The following PLAG1 variants were observed in gnomAD, a reference collection of about 807,000 sequenced individuals.
The protein encoded by PLAG1 is PLAG1 zinc finger, also known as zinc finger protein PLAG1.
PLAG1 carries 7 observed loss-of-function variants against 35.5 expected under a neutral mutation model. The observed-to-expected ratio is 0.20, with a 90% CI of 0.11 to 0.37. PLAG1 has a LOEUF of 0.37. Ranked by LOEUF, PLAG1 falls within the 10% of genes least tolerant of loss-of-function variation. PLAG1 has a pLI of 1.00. For missense variants in PLAG1, 454 were observed against 602.8 expected, an observed-to-expected ratio of 0.75 and a Z score of 2.58; for synonymous variants, 229 against 225.4, an observed-to-expected ratio of 1.02 and a Z score of -0.14.
At chr8:56,192,777 T>A (rs1812225495) in intron 1 of PLAG1, among the ~76,000 whole-genome samples, 1 of 152,204 alleles carries the variant, frequency 6.6e-6, no homozygotes, top group South Asian at 2.1e-4. Flanking sequence ...TAAGAGACTA[T>A]AACGTGTTTG....
At chr8:56,178,885 G>A (rs1214130534) in intron 2 of PLAG1, among the ~76,000 whole-genome samples, 1 of 151,994 alleles carries the variant, frequency 6.6e-6, no homozygotes, top group Non-Finnish European at 1.5e-5. Flanking sequence ...GATAGCTTGT[G>A]TGTGTCCTCT....
chr8:56,168,495 C>A, intron 3 of PLAG1, 109 bp from the exon 4 acceptor site: 1 of 401,606 alleles, frequency 2.5e-6, no homozygotes, highest in Non-Finnish European at 4.3e-6. Flanking sequence ...AAAATGGATT[C>A]AGCTGGTCTA....
intron 1 of PLAG1, among the ~76,000 whole-genome samples, chr8:56,204,823 T>G (rs1812653160): frequency 6.6e-6 from 1 of 151,854 alleles, no homozygotes; most frequent in Non-Finnish European, 1.5e-5. Flanking sequence ...AAAGAAGAGT[T>G]CAAGACTCTC....
chr8:56,198,552 T>A (rs1363740402), intron 1 of PLAG1, among the ~76,000 whole-genome samples: 2 of 152,176 alleles, frequency 1.3e-5, no homozygotes, highest in African/African-American at 4.8e-5. Flanking sequence ...TCATAGACGT[T>A]ACAAGACAGT....
At position 56,179,529 on chromosome 8, in the gene PLAG1, GAGTT is replaced by G. The variant is rs1312212464; in HGVS notation, c.-321-20_-321-17del. 1.2e-6 allele frequency: 1 copy of G among 820,012 alleles called. No homozygotes were observed. Among genetic ancestry groups the G allele is most frequent in the Non-Finnish European group, 1.5e-6 (1 of 678,596 alleles). 50.8% of individuals were successfully genotyped at this position (820,012 alleles called of 1,614,324 possible). On this transcript the variant is annotated splice_polypyrimidine_tract_variant and intron_variant, in intron 1 of 4. Transcript: ENST00000316981. ...AAGAGGCAACCTAAAAAGAAAAGAA[GAGTT>G]AGTTTTAAATTCCAAAAGTCAGGCC...
intron 2 of PLAG1, among the ~76,000 whole-genome samples, chr8:56,176,835 G>A (rs1811710722): frequency 6.6e-6 from 1 of 152,078 alleles, no homozygotes; most frequent in South Asian, 2.1e-4. Flanking sequence ...CAACAAAAAT[G>A]TTTGACACCA....
Position 56,166,832 on chromosome 8 carries a change from T to C in PLAG1, c.914A>G (p.His305Arg). Residue 305 changes from histidine (H) to arginine (R), a missense_variant, in exon 5 of 5, where the codon CAC becomes CGC. Transcript: ENST00000316981. Reference protein sequence around the residue: ...FQSMQSSGSAHQMITTLPLGM... With the variant: ...FQSMQSSGSARQMITTLPLGM... ...CAAAGGTAAAGTTGTGATCATTTGGTGGGCAGATCCCGAGCTCTGCATGGA... is the reference window on the plus strand; with the variant it reads ...CAAAGGTAAAGTTGTGATCATTTGGCGGGCAGATCCCGAGCTCTGCATGGA... The C allele has an allele frequency of 6.2e-7, 1 of 1,613,982 alleles. No homozygotes were observed. Among genetic ancestry groups the C allele is most frequent in the South Asian group, 1.1e-5 (1 of 91,080 alleles).
At chr8:56,180,966 A>C (rs1811847896) in intron 1 of PLAG1, among the ~76,000 whole-genome samples, 1 of 152,242 alleles carries the variant, frequency 6.6e-6, no homozygotes, top group African/African-American at 2.4e-5. Flanking sequence ...ATATGAAAAA[A>C]AGCTCATCAT....
chr8:56,182,277 A>G (rs1231841179), intron 1 of PLAG1, among the ~76,000 whole-genome samples: 1 of 152,246 alleles, frequency 6.6e-6, no homozygotes, highest in Non-Finnish European at 1.5e-5. Flanking sequence ...ACTAGAAGAA[A>G]GTCCACTTAT....
intron 1 of PLAG1, among the ~76,000 whole-genome samples, chr8:56,187,124 T>C (rs1342040362): frequency 2.0e-5 from 3 of 152,182 alleles, no homozygotes; most frequent in Admixed American, 6.5e-5. Context: ...CTCCTCCTTC[T>C]TGAAGCTTCA....
rs926262704 is a variant in PLAG1, at chr8:56,163,359, T to C, written c.*2884A>G. The C allele has an allele frequency of 7.6e-5, 15 of 196,254 alleles. No homozygotes were observed. Among genetic ancestry groups the C allele is most frequent in the African/African-American group, 3.2e-4 (14 of 43,168 alleles). 12.2% of individuals were successfully genotyped at this position (196,254 alleles called of 1,614,324 possible). A position where few individuals can be genotyped will look rare whatever the true frequency, so the allele number is the denominator to read the frequency against. ...GTTGACATAGAAACAAACAATCTTTTTCTAGGGAAAAAAAAGCCAATTCTG... is the reference window on the plus strand; with the variant it reads ...GTTGACATAGAAACAAACAATCTTTCTCTAGGGAAAAAAAAGCCAATTCTG... On this transcript the variant is annotated 3_prime_UTR_variant, in exon 5 of 5. Transcript: ENST00000316981.
At chr8:56,207,876 C>T (rs1230538794) in intron 1 of PLAG1, among the ~76,000 whole-genome samples, 1 of 152,082 alleles carries the variant, frequency 6.6e-6, no homozygotes, top group Admixed American at 6.6e-5. Flanking sequence ...GATTGGTGCA[C>T]TCTGAGTGCG....
At position 56,167,486 on chromosome 8, in the gene PLAG1, G is replaced by A. The variant is rs1229577184; in HGVS notation, c.260C>T (p.Ser87Phe). Reference sequence around the variant, plus strand: ...ATTACACTTGTGGGTTTTCTCAGGAGAATGAGTAGCCATGTGCCTTTAAAC... The same window carrying A: ...ATTACACTTGTGGGTTTTCTCAGGAAAATGAGTAGCCATGTGCCTTTAAAC... ...YKLQRHMATH[S>F]PEKTHKCNYC... The change falls in exon 5 of 5, where the codon TCT (serine) becomes TTT (phenylalanine). Residue 87 changes from serine to phenylalanine, a missense_variant. Around this residue, in one of 4 missense-constraint regions of PLAG1, gnomAD observed 170 missense variants for 226.3 expected, o/e 0.75. Transcript: ENST00000316981. This position sits in a 1 kb window ranked among gnomAD's most constrained non-coding sequence, Gnocchi z 5.9. 1 of 1,608,344 alleles carries A rather than the reference G, an allele frequency of 6.2e-7. No individual in the cohort carries two copies. The highest frequency in any genetic ancestry group is 8.5e-7 in the Non-Finnish European group (1 of 1,176,144).
chr8:56,179,365 A>T, intron 2 of PLAG1, 44 bp downstream of exon 2: 1 of 217,496 alleles, frequency 4.6e-6, no homozygotes, highest in Non-Finnish European at 7.9e-6. Flanking sequence ...TGGAATAATT[A>T]ATCACTTTGA....
chr8:56,177,594 G>T (rs1009696631), intron 2 of PLAG1, among the ~76,000 whole-genome samples: 10 of 152,088 alleles, frequency 6.6e-5, no homozygotes, highest in African/African-American at 2.4e-4. Flanking sequence ...CTCTCCCCCA[G>T]CGACAGTAAA....
rs1299965509 is a variant in PLAG1, at chr8:56,179,506, G to A, written c.-314C>T. ...CCAAATACGGCCAAGGCAGCACCAA[G>A]AGGCAACCTAAAAAGAAAAGAAGAG... On this transcript the variant is annotated 5_prime_UTR_variant, in exon 2 of 5. Coordinates refer to ENST00000316981, the MANE Select transcript of PLAG1 (RefSeq NM_002655.3). 2 of 945,406 alleles carry A rather than the reference G, an allele frequency of 2.1e-6. No individual in the cohort carries two copies. Among genetic ancestry groups the A allele is most frequent in the Admixed American group, 6.2e-5 (1 of 16,222 alleles). The allele number at this position is 945,406 out of a possible 1,614,324, so 58.6% of individuals were successfully genotyped here.
chr8:56,185,561 G>A (rs899343128), intron 1 of PLAG1, among the ~76,000 whole-genome samples: 2 of 152,112 alleles, frequency 1.3e-5, no homozygotes, highest in African/African-American at 4.8e-5. Flanking sequence ...CCATTCAGAG[G>A]GAGGGAAAAA....
Position 56,162,672 on chromosome 8 carries a change from AT to A in PLAG1, c.*3570del, listed in dbSNP as rs1811238663. 4.8e-6 allele frequency: 1 copy of A among 210,366 alleles called. No individual in the cohort carries two copies. Among genetic ancestry groups the A allele is most frequent in the African/African-American group, 2.3e-5 (1 of 44,042 alleles). The allele number at this position is 210,366 out of a possible 1,614,324, so 13.0% of individuals were successfully genotyped here. ...TGACCAAGCTCTATTTTTTAAAAAA[AT>A]ATTGGCCTATAATATGTGTATTGCT... On this transcript the variant is annotated 3_prime_UTR_variant, in exon 5 of 5. Coordinates refer to ENST00000316981, the MANE Select transcript of PLAG1 (RefSeq NM_002655.3).
At chr8:56,204,521 A>G (rs1470702425) in intron 1 of PLAG1, among the ~76,000 whole-genome samples, 1 of 151,874 alleles carries the variant, frequency 6.6e-6, no homozygotes, top group East Asian at 1.9e-4. Context: ...TTTGAGCCAA[A>G]GGGGCTAAAT....
Sources: allele counts gnomAD v4.1 joint callset (sites outside exome capture counted in the v4.1 genomes callset), GRCh38; gene constraint gnomAD v4.1.1; regional missense constraint gnomAD v4.1.1; non-coding constraint Gnocchi (gnomAD v3.1); transcripts MANE v1.5; gene names NCBI Gene and HGNC (gene_info 2026-07-23, HGNC 2026-07-21).